Variants in GP5 observed in about 807,000 individuals in gnomAD.
The protein encoded by GP5 is platelet glycoprotein V.
For synonymous variants in GP5, 382 were observed against 353.9 expected, an observed-to-expected ratio of 1.08 and a Z score of -0.89; for missense variants, 755 against 737.1, an observed-to-expected ratio of 1.02 and a Z score of -0.28.
rs1714430045 is a variant in GP5, at chr3:194,395,584, C to T, written c.*1016G>A. 7 of 152,288 alleles carry T rather than the reference C, an allele frequency of 4.6e-5. No individual in the cohort carries two copies. Among genetic ancestry groups the T allele is most frequent in the Admixed American group, 4.6e-4 (7 of 15,286 alleles). 9.4% of individuals were successfully genotyped at this position (152,288 alleles called of 1,614,324 possible). ...AAGGCTCCGTGTTTTCTTCCTCTCT[C>T]AGCCTCACAGAAGTCGCTTATCCTG... On this transcript the variant is annotated 3_prime_UTR_variant, in exon 2 of 2. Transcript: ENST00000692618.
rs1298213521 is a variant in GP5, at chr3:194,395,784, G to T, written c.*816C>A. On this transcript the variant is annotated 3_prime_UTR_variant, in exon 2 of 2. Coordinates refer to ENST00000692618, the MANE Select transcript of GP5 (RefSeq NM_004488.2). ...TTACGCCTGTAATCCCAGCACTTTG[G>T]GAGGCCAAGGCGGGCAGATCACTTG... 1 of 152,366 alleles carries T rather than the reference G, an allele frequency of 6.6e-6. No individual in the cohort carries two copies. The highest frequency in any genetic ancestry group is 2.4e-5 in the African/African-American group (1 of 41,456). The allele number at this position is 152,366 out of a possible 1,614,324, so 9.4% of individuals were successfully genotyped here. A position where few individuals can be genotyped will look rare whatever the true frequency, so the allele number is the denominator to read the frequency against.
chr3:194,397,793 T>C lies in GP5; in HGVS notation c.490A>G (p.Ser164Gly), dbSNP rs752760235. 6.2e-7 allele frequency: 1 copy of C among 1,613,942 alleles called. No individual in the cohort carries two copies. Among genetic ancestry groups the C allele is most frequent in the Non-Finnish European group, 8.5e-7 (1 of 1,179,954 alleles). Reference protein sequence around the residue: ...NQNQLDFLPASLFTNLENLKL... With the variant: ...NQNQLDFLPAGLFTNLENLKL... ...AGGTTCTCCAGATTCGTGAAGAGAC[T>C]GGCAGGAAGGAAATCGAGCTGATTC... is the stretch of plus-strand genomic sequence containing the variant. The change falls in exon 2 of 2, where the codon AGT becomes GGT. Residue 164 changes from serine to glycine, a missense_variant. Ser to Gly is a moderately conservative substitution (Grantham distance 56, BLOSUM62 0). Transcript: ENST00000692618. This position sits in a 1 kb window ranked among gnomAD's most constrained non-coding sequence, Gnocchi z 7.2.
rs1223989 is a variant in GP5, at chr3:194,398,145, T to C, written c.138A>G (p.Leu46=). The C allele has an allele frequency of 0.96, 1,546,390 of 1,613,200 alleles. 741,486 individuals carry two copies. The highest frequency in any genetic ancestry group is 1 in the East Asian group (44,864 of 44,868). Residue 46 remains leucine (L), a synonymous_variant, in exon 2 of 2, where the codon CTA becomes CTG. Coordinates refer to ENST00000692618, the MANE Select transcript of GP5 (RefSeq NM_004488.2). ...SGGDVARISA[L]GLPTNLTHIL... Reference sequence around the variant, plus strand: ...TGTGCGTGAGGTTGGTGGGCAGGCCTAGCGCGGAGATGCGCGCCACGTCGC... The same window carrying C: ...TGTGCGTGAGGTTGGTGGGCAGGCCCAGCGCGGAGATGCGCGCCACGTCGC...
rs752449361 is a variant in GP5, at chr3:194,397,939, C to T, written c.344G>A (p.Gly115Asp). The part of the protein sequence containing the change: ...LSRNKITHLP[G>D]ALLDKMVLLE... Reference sequence around the variant, plus strand: ...GAGCACCATCTTATCCAGCAGCGCACCTGGAAGATGCGTGATTTTGTTGCG... The same window carrying T: ...GAGCACCATCTTATCCAGCAGCGCATCTGGAAGATGCGTGATTTTGTTGCG... Residue 115 changes from glycine to aspartate, a missense_variant, in exon 2 of 2, where the codon GGT becomes GAT. Coordinates refer to ENST00000692618, the MANE Select transcript of GP5 (RefSeq NM_004488.2). The surrounding 1 kb of genome is among the most constrained non-coding windows in gnomAD (Gnocchi z 7.2). The T allele has an allele frequency of 2.2e-5, 36 of 1,614,078 alleles. No individual in the cohort carries two copies. The Admixed American group carries it at 5.7e-4, about 25-fold the overall frequency.
rs778974879 is a variant in GP5 at position 194,397,491 on chromosome 3, A to C, written c.792T>G (p.His264Gln). ...LAFLPSALFL[H>Q]SHNLTLLTLF... ...GAGTCAACAGAGTCAGATTGTGCGA[A>C]TGAAGAAAGAGCGCAGAGGGGAGAA... Residue 264 changes from histidine to glutamine, a missense_variant, in exon 2 of 2, where the codon CAT becomes CAG. Physicochemically the swap from His to Gln is conservative, Grantham distance 24. Transcript: ENST00000692618. The surrounding 1 kb of genome is among the most constrained non-coding windows in gnomAD (Gnocchi z 7.2). The C allele has an allele frequency of 3.7e-6, 6 of 1,613,978 alleles. No individual in the cohort carries two copies. In the South Asian group the frequency reaches 5.5e-5, roughly 15 times the overall value.
Position 194,398,240 on chromosome 3 carries a change from G to C in GP5, c.43C>G (p.Arg15Gly), listed in dbSNP as rs1577011884. The C allele has an allele frequency of 6.2e-7, 1 of 1,610,614 alleles. No individual in the cohort carries two copies. The highest frequency in any genetic ancestry group is 8.5e-7 in the Non-Finnish European group (1 of 1,178,498). Residue 15 changes from arginine (R) to glycine (G), a missense_variant, in exon 2 of 2, where the codon CGC becomes GGC. Arg to Gly is a moderately radical substitution (Grantham distance 125). Coordinates refer to ENST00000692618, the MANE Select transcript of GP5 (RefSeq NM_004488.2). ...GGCGGACAGGGGAAGGGCTGGGCGC[G>C]CAGAAGCCCGAGCACCGCGCACAGT... ...TLLCAVLGLL[R>G]AQPFPCPPAC...
chr3:194,395,697 A>G lies in GP5; in HGVS notation c.*903T>C, dbSNP rs1015052919. The stretch of plus-strand genomic sequence containing the variant: ...TAAAGTGAGAAAAATGGAGCAAGGG[A>G]AAAAATGGCAAGAGCTCTACTTCTC... On this transcript the variant is annotated 3_prime_UTR_variant, in exon 2 of 2. Coordinates refer to ENST00000692618, the MANE Select transcript of GP5 (RefSeq NM_004488.2). 6.6e-6 allele frequency: 1 copy of G among 152,412 alleles called. No homozygotes were observed. The highest frequency in any genetic ancestry group is 2.1e-4 in the South Asian group (1 of 4,830). The allele number at this position is 152,412 out of a possible 1,614,324, so 9.4% of individuals were successfully genotyped here. A position where few individuals can be genotyped will look rare whatever the true frequency, so the allele number is the denominator to read the frequency against.
intron 1 of GP5, among the ~76,000 whole-genome samples, 176 bp downstream of exon 1, chr3:194,399,062 T>A (rs1714538509): frequency 1.3e-5 from 2 of 152,162 alleles, no homozygotes; most frequent in Admixed American, 1.3e-4. Flanking sequence ...CTAAAGGTAA[T>A]ACTCACGGCA....
In GP5 at chr3:194,397,945, A is replaced by G. The variant is rs1714510908; in HGVS notation, c.338T>C (p.Leu113Pro). 1.2e-6 allele frequency: 2 copies of G among 1,614,122 alleles called. No individual in the cohort carries two copies. Among genetic ancestry groups the G allele is most frequent in the Non-Finnish European group, 1.7e-6 (2 of 1,180,042 alleles). The change falls in exon 2 of 2, where the codon CTT (leucine) becomes CCT (proline). Residue 113 changes from leucine to proline, a missense_variant. Physicochemically the swap from Leu to Pro is moderately conservative, Grantham distance 98. Transcript: ENST00000692618. This position sits in a 1 kb window ranked among gnomAD's most constrained non-coding sequence, Gnocchi z 7.2. Reference protein sequence around the residue: ...LRLSRNKITHLPGALLDKMVL... With the variant: ...LRLSRNKITHPPGALLDKMVL... ...CATCTTATCCAGCAGCGCACCTGGAAGATGCGTGATTTTGTTGCGCGACAG... is the reference window on the plus strand; with the variant it reads ...CATCTTATCCAGCAGCGCACCTGGAGGATGCGTGATTTTGTTGCGCGACAG...
At chr3:194,398,376 A>G (rs1209933740) in intron 1 of GP5, 92 bp from the exon 2 acceptor site, 5 of 1,237,452 alleles carry the variant, frequency 4.0e-6, no homozygotes, top group Non-Finnish European at 3.3e-6. Context: ...CAGAGGCACA[A>G]TCCTTTCGCC....
In GP5 at chr3:194,397,799, GA is replaced by G; in HGVS notation, c.483del (p.Pro162LeufsTer11). The G allele has an allele frequency of 2.5e-6, 4 of 1,614,074 alleles. No homozygotes were observed. Among genetic ancestry groups the G allele is most frequent in the Non-Finnish European group, 1.7e-6 (2 of 1,179,986 alleles). ...TCCAGATTCGTGAAGAGACTGGCAGGAAGGAAATCGAGCTGATTCTGGTTCA... is the reference window on the plus strand; with the variant it reads ...TCCAGATTCGTGAAGAGACTGGCAGGAGGAAATCGAGCTGATTCTGGTTCA... Reference protein sequence around the residue: ...LALNQNQLDFLPASLFTNLEN... With the variant: ...LALNQNQLDFXPASLFTNLEN... On this transcript the variant is annotated frameshift_variant, in exon 2 of 2. Transcript: ENST00000692618. LOFTEE classifies it low-confidence loss of function (END_TRUNC). The surrounding 1 kb of genome is among the most constrained non-coding windows in gnomAD (Gnocchi z 7.2).
chr3:194,397,602 T>A lies in GP5; in HGVS notation c.681A>T (p.Arg227=). Residue 227 remains arginine (R), a synonymous_variant, in exon 2 of 2, where the codon CGA becomes CGT. Transcript: ENST00000692618. This position sits in a 1 kb window ranked among gnomAD's most constrained non-coding sequence, Gnocchi z 7.2. ...LGALTELQFH[R]NHIRSIAPGA... is the part of the protein sequence containing the mutation. The stretch of plus-strand genomic sequence containing the variant: ...CGGGTGCGATGGAACGGATGTGATT[T>A]CGGTGGAACTGCAGCTCCGTCAGGG... The A allele has an allele frequency of 6.2e-7, 1 of 1,614,006 alleles. No homozygotes were observed. The highest frequency in any genetic ancestry group is 1.1e-5 in the South Asian group (1 of 91,074).
chr3:194,398,192 C>T lies in GP5; in HGVS notation c.91G>A (p.Asp31Asn). ...CPPACKCVFR[D>N]AAQCSGGDVA... Reference sequence around the variant, plus strand: ...TCGCCCCCCGAGCACTGCGCGGCGTCCCGGAAGACACACTTGCAAGCTGGC... The same window carrying T: ...TCGCCCCCCGAGCACTGCGCGGCGTTCCGGAAGACACACTTGCAAGCTGGC... The change falls in exon 2 of 2, where the codon GAC becomes AAC. Residue 31 changes from aspartate to asparagine, a missense_variant. Coordinates refer to ENST00000692618, the MANE Select transcript of GP5 (RefSeq NM_004488.2). 1 of 1,612,778 alleles carries T rather than the reference C, an allele frequency of 6.2e-7. No homozygotes were observed. Among genetic ancestry groups the T allele is most frequent in the South Asian group, 1.1e-5 (1 of 91,018 alleles).
chr3:194,397,887 A>G lies in GP5; in HGVS notation c.396T>C (p.Asn132=), dbSNP rs764761485. 5.6e-6 allele frequency: 9 copies of G among 1,614,126 alleles called. 1 individual carries two copies. The South Asian group carries it at 9.9e-5, about 18-fold the overall frequency. Residue 132 remains asparagine (N), a synonymous_variant, in exon 2 of 2, where the codon AAT becomes AAC. Coordinates refer to ENST00000692618, the MANE Select transcript of GP5 (RefSeq NM_004488.2). This position sits in a 1 kb window ranked among gnomAD's most constrained non-coding sequence, Gnocchi z 7.2. ...VLLEQLFLDH[N]ALRGIDQNMF... ...TGTTTTGGTCAATGCCCCTTAGCGC[A>G]TTGTGGTCCAAAAACAACTGCTCCA...
Position 194,398,237 on chromosome 3 carries a change from C to T in GP5, c.46G>A (p.Ala16Thr), listed in dbSNP as rs746246856. ...LLCAVLGLLR[A>T]QPFPCPPACK... ...GCTGGCGGACAGGGGAAGGGCTGGG[C>T]GCGCAGAAGCCCGAGCACCGCGCAC... The change falls in exon 2 of 2, where the codon GCC (alanine) becomes ACC (threonine). Residue 16 changes from alanine to threonine, a missense_variant. Coordinates refer to ENST00000692618, the MANE Select transcript of GP5 (RefSeq NM_004488.2). The T allele has an allele frequency of 1.1e-5, 18 of 1,611,036 alleles. No homozygotes were observed. Among genetic ancestry groups the T allele is most frequent in the Admixed American group, 3.3e-5 (2 of 59,838 alleles).
At chr3:194,399,153 T>C (rs1714540122) in intron 1 of GP5, among the ~76,000 whole-genome samples, 85 bp downstream of exon 1, 1 of 152,202 alleles carries the variant, frequency 6.6e-6, no homozygotes, top group Admixed American at 6.5e-5. Flanking sequence ...ATAAATTGCT[T>C]CTCGTGCAAT....
At chr3:194,399,069 G>C (rs529104158) in intron 1 of GP5, among the ~76,000 whole-genome samples, 169 bp downstream of exon 1, 5 of 152,072 alleles carry the variant, frequency 3.3e-5, no homozygotes, top group Non-Finnish European at 5.9e-5. Flanking sequence ...TAATACTCAC[G>C]GCACTGAATT....
chr3:194,396,800 C>T lies in GP5; in HGVS notation c.1483G>A (p.Ala495Thr), dbSNP rs1354727169. The change falls in exon 2 of 2, where the codon GCC becomes ACC. Residue 495 changes from alanine to threonine, a missense_variant. Transcript: ENST00000692618. ...DSSSEAPVHP[A>T]LAPNSSEPWV... ...GGTTCTGAGCTGTTGGGAGCCAAGG[C>T]TGGGTGGACAGGGGCTTCCGAGGAG... 1 of 1,610,832 alleles carries T rather than the reference C, an allele frequency of 6.2e-7. No homozygotes were observed. The highest frequency in any genetic ancestry group is 2.2e-5 in the East Asian group (1 of 44,728).
Position 194,397,644 on chromosome 3 carries a change from C to G in GP5, c.639G>C (p.Leu213=). ...SNRLVSLDSG[L]LNSLGALTEL... ...CCGTCAGGGCGCCCAGGCTGTTCAACAGCCCCGAATCCAGAGACACAAGGC... is the reference window on the plus strand; with the variant it reads ...CCGTCAGGGCGCCCAGGCTGTTCAAGAGCCCCGAATCCAGAGACACAAGGC... The change falls in exon 2 of 2, where the codon CTG becomes CTC. Residue 213 remains leucine (L), a synonymous_variant. Transcript: ENST00000692618. This position sits in a 1 kb window ranked among gnomAD's most constrained non-coding sequence, Gnocchi z 7.2. The G allele has an allele frequency of 1.2e-6, 2 of 1,614,154 alleles. No homozygotes were observed. Among genetic ancestry groups the G allele is most frequent in the Non-Finnish European group, 1.7e-6 (2 of 1,180,008 alleles).
Sources: allele counts gnomAD v4.1 joint callset (sites outside exome capture counted in the v4.1 genomes callset), GRCh38; gene constraint gnomAD v4.1.1; non-coding constraint Gnocchi (gnomAD v3.1); transcripts MANE v1.5; gene names NCBI Gene and HGNC (gene_info 2026-07-23, HGNC 2026-07-21).